CACNG4: variants seen among roughly 807,000 people sequenced by gnomAD.
CACNG4 encodes calcium voltage-gated channel auxiliary subunit gamma 4, also known as voltage-dependent calcium channel gamma-4 subunit.
CACNG4 carries 8 observed loss-of-function variants against 22.9 expected under a neutral mutation model. That is an observed-to-expected ratio of 0.35 (90% CI 0.21 to 0.63). CACNG4 has a LOEUF of 0.63. Ranked by LOEUF, CACNG4 falls within the 30% of genes least tolerant of loss-of-function variation. The pLI is 0.72. For missense variants in CACNG4, 357 were observed against 455.4 expected (o/e 0.78, Z 1.97); for synonymous variants, 188 against 191.9 (o/e 0.98, Z 0.17).
rs2035597473 is a variant in CACNG4, at chr17:67,030,598, T to C, written c.578T>C (p.Ile193Thr). 1.9e-6 allele frequency: 3 copies of C among 1,614,260 alleles called. No individual in the cohort carries two copies. The highest frequency in any genetic ancestry group is 2.5e-6 in the Non-Finnish European group (3 of 1,180,050). ...WSFYFGALSF[I>T]VAETVGVLAV... ...TTTTACTTTGGAGCTCTGTCTTTCA[T>C]TGTGGCTGAGACCGTGGGCGTCCTG... The change falls in exon 4 of 4, where the codon ATT (isoleucine) becomes ACT (threonine). Residue 193 changes from isoleucine (I) to threonine (T), a missense_variant. Transcript: ENST00000262138. This position sits in a 1 kb window ranked among gnomAD's most constrained non-coding sequence, Gnocchi z 6.4.
intron 3 of CACNG4, among the ~76,000 whole-genome samples, chr17:67,025,642 G>A (rs896800779): frequency 2.6e-5 from 4 of 152,276 alleles, no homozygotes; most frequent in African/African-American, 9.6e-5. Flanking sequence ...CATGCCCGAT[G>A]TCCCCGGAAA....
chr17:66,964,824 C>T lies in CACNG4; in HGVS notation c.-88C>T. The T allele has an allele frequency of 4.3e-6, 3 of 690,876 alleles. No homozygotes were observed. Among genetic ancestry groups the T allele is most frequent in the Non-Finnish European group, 5.4e-6 (3 of 559,322 alleles). The allele number at this position is 690,876 out of a possible 1,614,324, so 42.8% of individuals were successfully genotyped here. A position where few individuals can be genotyped will look rare whatever the true frequency, so the allele number is the denominator to read the frequency against. ...CCCCCGGCCCTCGGCCCCCCAACCCCGGCGCCCCCGGAGCGGCGCGCGGAG... is the reference window on the plus strand; with the variant it reads ...CCCCCGGCCCTCGGCCCCCCAACCCTGGCGCCCCCGGAGCGGCGCGCGGAG... On this transcript the variant is annotated 5_prime_UTR_variant, in exon 1 of 4. Coordinates refer to ENST00000262138, the MANE Select transcript of CACNG4 (RefSeq NM_014405.4).
In CACNG4 at chr17:67,030,480, A is replaced by G. The variant is rs1275655031; in HGVS notation, c.460A>G (p.Ile154Val). 2 of 1,613,402 alleles carry G rather than the reference A, an allele frequency of 1.2e-6. No homozygotes were observed. The highest frequency in any genetic ancestry group is 2.2e-5 in the East Asian group (1 of 44,856). Residue 154 changes from isoleucine (I) to valine (V), a missense_variant, in exon 4 of 4, where the codon ATC (isoleucine) becomes GTC (valine). By Grantham distance (29) the Ile-to-Val change is conservative. This residue lies in a region of CACNG4 where 240 missense variants were observed against 277.6 expected (regional missense o/e 0.86). Transcript: ENST00000262138. This position sits in a 1 kb window ranked among gnomAD's most constrained non-coding sequence, Gnocchi z 6.4. ...LFVAAGLSNI[I>V]GIIVYISSNT... ...TTCCCTTTCAGGCCTCAGTAACATC[A>G]TCGGTATCATCGTCTACATTTCCAG...
At chr17:66,999,986 T>C (rs569080125) in intron 1 of CACNG4, among the ~76,000 whole-genome samples, 1 of 152,286 alleles carries the variant, frequency 6.6e-6, no homozygotes, top group South Asian at 2.1e-4. Flanking sequence ...TGGTGGGTAA[T>C]AGATGAAGAA....
chr17:66,992,904 T>C (rs984853311), intron 1 of CACNG4, among the ~76,000 whole-genome samples: 1 of 152,242 alleles, frequency 6.6e-6, no homozygotes, highest in Non-Finnish European at 1.5e-5. Flanking sequence ...GTTTGGGCCA[T>C]ACATAAAACC....
At chr17:66,971,321 G>GGGGTTTCCAGCCAGAAGAGC (rs1209899362) in intron 1 of CACNG4, among the ~76,000 whole-genome samples, 8 of 152,004 alleles carry the variant, frequency 5.3e-5, no homozygotes, top group African/African-American at 1.9e-4. Context: ...GCCTTGTGGA[G>GGGGTTTCCAGCCAGAAGAGC]CTTACTTAGT....
intron 1 of CACNG4, among the ~76,000 whole-genome samples, chr17:66,989,324 A>T (rs998160235): frequency 2.2e-4 from 32 of 146,774 alleles, no homozygotes; most frequent in Admixed American, 6.1e-4. Flanking sequence ...GGGTTCTTAT[A>T]AAAAAAAAAG....
chr17:67,026,501 T>C (rs1006961925), intron 3 of CACNG4, among the ~76,000 whole-genome samples: 13 of 116,012 alleles, frequency 1.1e-4, no homozygotes, highest in Non-Finnish European at 2.2e-4. Context: ...TTGAGGAATG[T>C]GGTGTATGTG....
At chr17:67,014,916 G>A (rs1001099668) in intron 1 of CACNG4, among the ~76,000 whole-genome samples, 15 of 146,352 alleles carry the variant, frequency 1.0e-4, no homozygotes, top group African/African-American at 2.9e-4. Context: ...CAGCCTGGGC[G>A]ACAGAGCGAG....
In CACNG4 at chr17:67,030,154, T is replaced by G. The variant is rs67391978; in HGVS notation, c.446-312T>G. ...TACTGTGCAAAGGAAATAATAGGGG[T>G]GTGTGTGTGTGTGTGTGTGAAGAGA... On this transcript the variant is annotated intron_variant, in intron 3 of 3. Transcript: ENST00000262138. This position sits in a 1 kb window ranked among gnomAD's most constrained non-coding sequence, Gnocchi z 6.4. Among the ~76,000 whole-genome samples, 7 of 13,172 alleles carry G rather than the reference T, an allele frequency of 5.3e-4. No homozygotes were observed. The highest frequency in any genetic ancestry group is 0.011 in the South Asian group (2 of 176). The allele number at this position is 13,172 out of a possible 152,430, so 8.6% of individuals were successfully genotyped here. A position where few individuals can be genotyped will look rare whatever the true frequency, so the allele number is the denominator to read the frequency against.
At chr17:66,988,834 G>A (rs2035321022) in intron 1 of CACNG4, among the ~76,000 whole-genome samples, 1 of 152,126 alleles carries the variant, frequency 6.6e-6, no homozygotes, top group African/African-American at 2.4e-5. Context: ...CAAGGTGGGT[G>A]GATCACTTGA....
At chr17:66,997,317 G>A (rs2035381332) in intron 1 of CACNG4, among the ~76,000 whole-genome samples, 1 of 152,202 alleles carries the variant, frequency 6.6e-6, no homozygotes, top group African/African-American at 2.4e-5. Flanking sequence ...GCCGGATGAG[G>A]AAGAGGGAAG....
chr17:67,029,621 G>A (rs1344676526), intron 3 of CACNG4, among the ~76,000 whole-genome samples: 10 of 150,708 alleles, frequency 6.6e-5, no homozygotes, highest in Non-Finnish European at 1.3e-4. Context: ...GCGACAGAGC[G>A]AGACTCTGGC....
chr17:66,972,707 C>T (rs543029697), intron 1 of CACNG4, among the ~76,000 whole-genome samples: 4 of 152,230 alleles, frequency 2.6e-5, no homozygotes, highest in East Asian at 1.9e-4. Flanking sequence ...AGGTGGATCA[C>T]CTGAGGTCAG....
intron 1 of CACNG4, among the ~76,000 whole-genome samples, chr17:66,982,491 A>G (rs2035283204): frequency 7.1e-6 from 1 of 140,552 alleles, no homozygotes; most frequent in African/African-American, 2.5e-5. Context: ...AGCTAGCTAC[A>G]GGGCGTTGAT....
intron 1 of CACNG4, among the ~76,000 whole-genome samples, chr17:66,975,030 A>C (rs987310444): frequency 7.9e-5 from 12 of 151,340 alleles, no homozygotes; most frequent in African/African-American, 2.7e-4. Flanking sequence ...ACCACATCCA[A>C]CACGGCCTGC....
chr17:66,974,687 G>A (rs1388200218), intron 1 of CACNG4, among the ~76,000 whole-genome samples: 2 of 152,154 alleles, frequency 1.3e-5, no homozygotes, highest in African/African-American at 4.8e-5. Context: ...ATGAGGTGGA[G>A]ACAATGACAG....
At chr17:67,026,986 G>A (rs1598126942) in intron 3 of CACNG4, among the ~76,000 whole-genome samples, 4 of 151,692 alleles carry the variant, frequency 2.6e-5, no homozygotes, top group South Asian at 2.1e-4. Flanking sequence ...AGGAGGTCCC[G>A]GCTGTGACCC....
rs771173015 is a variant in CACNG4, at chr17:67,030,448, T to C, written c.446-18T>C. On this transcript the variant is annotated intron_variant, in intron 3 of 3. Transcript: ENST00000262138. This position sits in a 1 kb window ranked among gnomAD's most constrained non-coding sequence, Gnocchi z 6.4. ...CTCCCTCCCTGGCCCCGCTCCCCGC[T>C]CCCCGCTTCCCTTTCAGGCCTCAGT... 6.2e-7 allele frequency: 1 copy of C among 1,608,958 alleles called. No homozygotes were observed.
Sources: gnomAD v4.1 joint callset for allele counts (sites outside exome capture counted in the v4.1 genomes callset) on GRCh38, gnomAD v4.1.1 for gene constraint, gnomAD v4.1.1 regional missense constraint, Gnocchi (gnomAD v3.1) non-coding constraint, MANE v1.5 for transcripts, NCBI Gene and HGNC (gene_info 2026-07-23, HGNC 2026-07-21) for gene names.